Variants in ADAMTSL1 observed in about 807,000 individuals in gnomAD.
ADAMTSL1 encodes the protein ADAMTS like 1, also known as ADAMTS-like protein 1.
Under a neutral mutation model 201.8 loss-of-function variants are expected in ADAMTSL1, and 126 were observed. The observed-to-expected ratio is 0.62, with a 90% CI of 0.54 to 0.72. The LOEUF (loss-of-function observed/expected upper bound fraction) is 0.72. Ranked by LOEUF, ADAMTSL1 falls within the 30% of genes least tolerant of loss-of-function variation. The pLI, the probability that ADAMTSL1 is intolerant of heterozygous loss-of-function variation, is 0.00. For synonymous variants in ADAMTSL1, 1,121 were observed against 903.4 expected (o/e 1.24, Z -4.32); for missense variants, 2,679 against 2,277.8 (o/e 1.18, Z -3.59).
At chr9:18,089,797 A>T (rs984890081) in intron 1 of ADAMTSL1, among the ~76,000 whole-genome samples, 6 of 152,196 alleles carry the variant, frequency 3.9e-5, no homozygotes, top group African/African-American at 1.2e-4. Flanking sequence ...ATATACTTTC[A>T]GTCACGCAAT....
intron 19 of ADAMTSL1, among the ~76,000 whole-genome samples, chr9:18,794,662 C>T (rs1822279277): frequency 1.3e-5 from 2 of 148,860 alleles, no homozygotes; most frequent in Non-Finnish European, 3.0e-5. Context: ...GAGACAGAGT[C>T]ATGCTCTGTG....
intron 3 of ADAMTSL1, among the ~76,000 whole-genome samples, chr9:18,569,611 A>C (rs1394718193): frequency 6.6e-6 from 1 of 152,114 alleles, no homozygotes; most frequent in Non-Finnish European, 1.5e-5. Flanking sequence ...TGGATGTGGG[A>C]GTCTGTAGTC....
At chr9:18,418,620 G>T (rs893091907) in intron 2 of ADAMTSL1, among the ~76,000 whole-genome samples, 3 of 152,130 alleles carry the variant, frequency 2.0e-5, no homozygotes, top group African/African-American at 7.2e-5. Context: ...TGGGGAAAAT[G>T]ATATAGGGCT....
intron 1 of ADAMTSL1, among the ~76,000 whole-genome samples, chr9:18,133,063 A>G (rs1185607764): frequency 6.6e-6 from 1 of 152,122 alleles, no homozygotes; most frequent in African/African-American, 2.4e-5. Context: ...CTGTGGAGCC[A>G]GGGTTCAGAC....
rs558010238 is a variant in ADAMTSL1 at position 18,544,661 on chromosome 9, G to A, written c.237+11369G>A. Among the ~76,000 whole-genome samples, 13 of 152,286 alleles carry A rather than the reference G, an allele frequency of 8.5e-5. No individual in the cohort carries two copies. The South Asian group carries it at 2.3e-3, about 27-fold the overall frequency. On this transcript the variant is annotated intron_variant, in intron 3 of 28. Transcript: ENST00000380548. The stretch of plus-strand genomic sequence containing the variant: ...TCACTTGGGTGATGCTGACTGACAA[G>A]CAATCACCTATATTATTGTCTTGTG...
chr9:18,714,353 C>G (rs539908587), intron 14 of ADAMTSL1, among the ~76,000 whole-genome samples: 4,963 of 151,666 alleles, frequency 0.033, 72 homozygotes, highest in African/African-American at 0.075. Context: ...AGACCGCTAG[C>G]AAGACTAATA....
intron 1 of ADAMTSL1, among the ~76,000 whole-genome samples, chr9:17,958,599 T>G (rs1183266242): frequency 6.6e-6 from 1 of 152,196 alleles, no homozygotes; most frequent in African/African-American, 2.4e-5. Context: ...TTAATTACGT[T>G]AATTAGCTTC....
intron 26 of ADAMTSL1, among the ~76,000 whole-genome samples, chr9:18,894,986 C>T (rs1210892432): frequency 6.6e-6 from 1 of 152,186 alleles, no homozygotes; most frequent in Admixed American, 6.5e-5. Flanking sequence ...TATAAAAATA[C>T]ATCCAACAGA....
intron 1 of ADAMTSL1, among the ~76,000 whole-genome samples, chr9:18,154,309 A>G (rs1190285885): frequency 2.0e-5 from 3 of 152,046 alleles, no homozygotes; most frequent in African/African-American, 7.2e-5. Context: ...ACCGAGTTCA[A>G]CTGAATGATT....
chr9:18,210,954 T>G (rs910661491), intron 2 of ADAMTSL1, among the ~76,000 whole-genome samples: 8 of 151,520 alleles, frequency 5.3e-5, no homozygotes, highest in Non-Finnish European at 1.0e-4. Flanking sequence ...AGTTACACAT[T>G]GTGATAAGTT....
intron 2 of ADAMTSL1, among the ~76,000 whole-genome samples, chr9:18,298,546 T>C (rs1833566064): frequency 2.0e-5 from 3 of 152,030 alleles, no homozygotes; most frequent in Admixed American, 2.0e-4. Flanking sequence ...TGTGTGCACG[T>C]GTGTGTCCGT....
intron 2 of ADAMTSL1, among the ~76,000 whole-genome samples, chr9:18,181,333 A>T (rs1828464898): frequency 6.6e-6 from 1 of 152,204 alleles, no homozygotes; most frequent in Admixed American, 6.5e-5. Flanking sequence ...AGAAATTACC[A>T]TCAGAGTGAA....
intron 2 of ADAMTSL1, among the ~76,000 whole-genome samples, chr9:18,259,170 C>T (rs1587414567): frequency 6.6e-6 from 1 of 152,264 alleles, no homozygotes; most frequent in South Asian, 2.1e-4. Context: ...GGGCTTAAAA[C>T]ACCATCCATG....
chr9:18,884,728 G>A (rs186570081), intron 23 of ADAMTSL1, among the ~76,000 whole-genome samples: 9 of 151,864 alleles, frequency 5.9e-5, no homozygotes, highest in South Asian at 4.2e-4. Context: ...GTCTGTTTCC[G>A]GTCTCTATTC....
At chr9:18,038,406 G>T (rs903408670) in intron 1 of ADAMTSL1, among the ~76,000 whole-genome samples, 1 of 152,088 alleles carries the variant, frequency 6.6e-6, no homozygotes. Context: ...AAGAAATCAA[G>T]AAGGCCCTAA....
At chr9:18,832,543 G>A (rs1244281012) in intron 23 of ADAMTSL1, among the ~76,000 whole-genome samples, 1 of 152,178 alleles carries the variant, frequency 6.6e-6, no homozygotes, top group African/African-American at 2.4e-5. Context: ...TCGATAGTGG[G>A]AGAGATTTAA....
At chr9:18,837,483 T>C (rs751760676) in intron 23 of ADAMTSL1, among the ~76,000 whole-genome samples, 1 of 152,248 alleles carries the variant, frequency 6.6e-6, no homozygotes, top group Non-Finnish European at 1.5e-5. Flanking sequence ...TTCTACTTAA[T>C]GCCCTATAAA....
At chr9:18,397,912 C>T (rs1817817987) in intron 2 of ADAMTSL1, among the ~76,000 whole-genome samples, 1 of 152,068 alleles carries the variant, frequency 6.6e-6, no homozygotes, top group South Asian at 2.1e-4. Context: ...ATGTTTTCTC[C>T]CAGCCTCCAT....
chr9:18,629,958 AT>A (rs1489453987), intron 5 of ADAMTSL1, among the ~76,000 whole-genome samples: 6 of 149,196 alleles, frequency 4.0e-5, no homozygotes. Flanking sequence ...GGATTGATTG[AT>A]TTTTCACTTT....
Sources: allele counts gnomAD v4.1 joint callset (sites outside exome capture counted in the v4.1 genomes callset), GRCh38; gene constraint gnomAD v4.1.1; transcripts MANE v1.5; gene names NCBI Gene and HGNC (gene_info 2026-07-23, HGNC 2026-07-21).